The following NAV3 variants were observed in gnomAD, a reference collection of about 807,000 sequenced individuals.
The protein encoded by NAV3 is pore membrane and/or filament interacting like protein 1.
In NAV3, 87 loss-of-function variants were observed where a neutral mutation model predicts 244.7. The observed-to-expected ratio is 0.36, with a 90% confidence interval of 0.30 to 0.42. NAV3 has a LOEUF of 0.42. Among genes scored for constraint, NAV3 ranks in the 20% least tolerant of loss-of-function variants. The probability of loss-of-function intolerance (pLI) is 1.00; values close to 1 mark genes in which losing one functional copy is unlikely to be tolerated. For synonymous variants in NAV3, 1,126 were observed against 1,042.2 expected (o/e 1.08, Z -1.55); for missense variants, 2,663 against 2,893.3 (o/e 0.92, Z 1.83).
At chr12:77,588,558 T>A (rs11105804) in intron 2 of NAV3, among the ~76,000 whole-genome samples, 27,851 of 152,196 alleles carry the variant, frequency 0.18, 2,876 homozygotes, top group Admixed American at 0.25. Flanking sequence ...TTTTCATGGA[T>A]ACCTTTTGTT....
chr12:77,790,854 C>T (rs944220943), intron 2 of NAV3, among the ~76,000 whole-genome samples: 3 of 152,106 alleles, frequency 2.0e-5, no homozygotes, highest in Admixed American at 6.5e-5. Context: ...TCACTCAGGG[C>T]GACCTTTGCT....
chr12:77,640,206 T>C (rs1565748535), intron 2 of NAV3, among the ~76,000 whole-genome samples: 1 of 152,036 alleles, frequency 6.6e-6, no homozygotes, highest in Non-Finnish European at 1.5e-5. Flanking sequence ...AAAGAAATGA[T>C]GCAGTTAGAA....
intron 18 of NAV3, among the ~76,000 whole-genome samples, chr12:78,133,471 A>G (rs117116466): frequency 1.5e-3 from 234 of 151,608 alleles, no homozygotes; most frequent in Non-Finnish European, 2.8e-3. Flanking sequence ...TGATTTGACC[A>G]TTATCTTTTC....
At chr12:78,092,259 A>G (rs1953984743) in intron 12 of NAV3, among the ~76,000 whole-genome samples, 1 of 152,186 alleles carries the variant, frequency 6.6e-6, no homozygotes. Context: ...AAAACAAAGT[A>G]TAACAGGTTT....
intron 9 of NAV3, chr12:78,036,824 T>A (rs1338406123): frequency 1.6e-6 from 1 of 643,628 alleles, no homozygotes; most frequent in South Asian, 1.7e-5. Flanking sequence ...AACAAGACAA[T>A]ATGAAGTCCA....
intron 6 of NAV3, among the ~76,000 whole-genome samples, chr12:77,997,322 A>AAT (rs1194563666): frequency 6.6e-6 from 1 of 152,066 alleles, no homozygotes; most frequent in African/African-American, 2.4e-5. Context: ...ATACCTATAG[A>AAT]ATATATGTCA....
Position 78,059,975 on chromosome 12 carries a change from G to A in NAV3, c.2636+860G>A, listed in dbSNP as rs1481198871. ...ATTTCTTAAAGATGTGTGTGTGTGT[G>A]TGTGTGTCTGTGTGTGTGTGATGAA... is the stretch of plus-strand genomic sequence containing the variant. On this transcript the variant is annotated intron_variant, in intron 12 of 39. Coordinates refer to ENST00000397909, the MANE Select transcript of NAV3 (RefSeq NM_001024383.2). 2.6e-5 allele frequency among the ~76,000 whole-genome samples: 4 copies of A among 151,870 alleles called. No individual in the cohort carries two copies. In the East Asian group the frequency reaches 7.8e-4, roughly 29 times the overall value.
At chr12:77,793,530 G>GT (rs1871276542) in intron 2 of NAV3, among the ~76,000 whole-genome samples, 1 of 152,084 alleles carries the variant, frequency 6.6e-6, no homozygotes, top group Admixed American at 6.6e-5. Context: ...GTGTCCATGT[G>GT]TTTTCACTGT....
At chr12:77,895,819 G>C (rs948402782) in intron 1 of NAV3, among the ~76,000 whole-genome samples, 3 of 147,098 alleles carry the variant, frequency 2.0e-5, no homozygotes, top group Admixed American at 6.8e-5. Context: ...TCTGATAAAA[G>C]GTGTCATGTT....
rs1432654055 is a variant in NAV3 at position 77,994,826 on chromosome 12, A to T, written c.695A>T (p.Gln232Leu). The change falls in exon 6 of 40, where the codon CAG (glutamine) becomes CTG (leucine). Residue 232 changes from glutamine (Q) to leucine (L), a missense_variant. By Grantham distance (113) the Gln-to-Leu change is moderately radical (BLOSUM62 -2). Transcript: ENST00000397909. ...QSSLAARYATQSNHSGIATSQ... is the reference protein window; with the variant it reads ...QSSLAARYATLSNHSGIATSQ... ...AGTCTGGCAGCCAGATATGCAACTC[A>T]GTCTAATCACAGTGGAATTGCAACC... 6.2e-7 allele frequency: 1 copy of T among 1,611,560 alleles called. No homozygotes were observed.
intron 2 of NAV3, among the ~76,000 whole-genome samples, chr12:77,647,011 A>T (rs1380635074): frequency 3.3e-5 from 5 of 151,748 alleles, no homozygotes; most frequent in African/African-American, 1.2e-4. Context: ...TAAAATATAT[A>T]TACATGGACA....
intron 2 of NAV3, among the ~76,000 whole-genome samples, chr12:77,766,734 A>AGTTTGTTTTTTTT (rs1565805094): frequency 1.9e-5 from 1 of 53,344 alleles, no homozygotes; most frequent in Non-Finnish European, 4.4e-5. Flanking sequence ...CAGGCAATTA[A>AGTTTGTTTTTTTT]GTTTTTTTTT....
chr12:77,701,435 G>A (rs917908151), intron 2 of NAV3, among the ~76,000 whole-genome samples: 4 of 151,606 alleles, frequency 2.6e-5, no homozygotes, highest in Non-Finnish European at 5.9e-5. Context: ...CTTTCTTCTT[G>A]ATCAGTCTTG....
In NAV3 at chr12:78,168,820, G is replaced by A; in HGVS notation, c.4935G>A (p.Gln1645=). Residue 1645 remains glutamine, a synonymous_variant, in exon 24 of 40, where the codon CAG becomes CAA. Coordinates refer to ENST00000397909, the MANE Select transcript of NAV3 (RefSeq NM_001024383.2). ...EMLKAQNSAA[Q]AAIQGALNGP... ...TGAAGGCTCAGAATTCTGCTGCCCAGGCGGCTATTCAGGGAGCACTGAATG... is the reference window on the plus strand; with the variant it reads ...TGAAGGCTCAGAATTCTGCTGCCCAAGCGGCTATTCAGGGAGCACTGAATG... 1.2e-6 allele frequency: 2 copies of A among 1,610,742 alleles called. No individual in the cohort carries two copies. The highest frequency in any genetic ancestry group is 1.7e-6 in the Non-Finnish European group (2 of 1,177,822).
intron 2 of NAV3, among the ~76,000 whole-genome samples, chr12:77,776,707 C>T (rs1422042804): frequency 6.6e-6 from 1 of 152,138 alleles, no homozygotes; most frequent in Non-Finnish European, 1.5e-5. Context: ...TTTTACACTA[C>T]TCAAACCATG....
intron 1 of NAV3, among the ~76,000 whole-genome samples, chr12:77,868,220 A>AAAC (rs3078775): frequency 0.24 from 36,148 of 151,434 alleles, 4,973 homozygotes; most frequent in South Asian, 0.34. Flanking sequence ...GGCCCTCCTA[A>AAAC]AACAACAACA....
At chr12:78,153,753 A>C (rs1020002952) in intron 22 of NAV3, among the ~76,000 whole-genome samples, 2 of 152,004 alleles carry the variant, frequency 1.3e-5, no homozygotes, top group Non-Finnish European at 2.9e-5. Flanking sequence ...TTAACCAAAA[A>C]TCTCTTGGGT....
At chr12:77,608,287 A>G (rs960669475) in intron 2 of NAV3, among the ~76,000 whole-genome samples, 2 of 152,122 alleles carry the variant, frequency 1.3e-5, no homozygotes, top group Non-Finnish European at 2.9e-5. Context: ...ATGAGGAAAG[A>G]TGTGCAATCT....
chr12:77,687,331 G>A (rs546819253), intron 2 of NAV3, among the ~76,000 whole-genome samples: 11 of 151,540 alleles, frequency 7.3e-5, no homozygotes, highest in Non-Finnish European at 1.2e-4. Flanking sequence ...CACACTATGT[G>A]TGCATGTATA....
Sources: allele counts gnomAD v4.1 joint callset (sites outside exome capture counted in the v4.1 genomes callset), GRCh38; gene constraint gnomAD v4.1.1; transcripts MANE v1.5; gene names NCBI Gene and HGNC (gene_info 2026-07-23, HGNC 2026-07-21).